Variants in DLGAP2 observed in about 807,000 individuals in gnomAD.
The protein encoded by DLGAP2 is disks large-associated protein 2.
DLGAP2 carries 26 observed loss-of-function variants against 100.3 expected under a neutral mutation model. The ratio of observed to expected loss-of-function variants is 0.26; its 90% CI spans 0.19 to 0.36. The LOEUF is 0.36. Among genes scored for constraint, DLGAP2 ranks in the 10% least tolerant of loss-of-function variants. The pLI, the probability that DLGAP2 is intolerant of heterozygous loss-of-function variation, is 1.00. For missense variants in DLGAP2, 1,858 were observed against 1,453.2 expected, an observed-to-expected ratio of 1.28 and a Z score of -4.53; for synonymous variants, 886 against 630.1, an observed-to-expected ratio of 1.41 and a Z score of -6.08.
chr8:1,157,290 G>C (rs1796810208), intron 2 of DLGAP2, among the ~76,000 whole-genome samples: 1 of 152,134 alleles, frequency 6.6e-6, no homozygotes, highest in Non-Finnish European at 1.5e-5. Context: ...TGCGGGCTGT[G>C]ATGTTCAGAG....
chr8:1,055,135 A>G (rs1387827356), intron 2 of DLGAP2, among the ~76,000 whole-genome samples: 1 of 152,254 alleles, frequency 6.6e-6, no homozygotes, highest in Admixed American at 6.5e-5. Context: ...CGTTTTGTAA[A>G]GATGGATGCT....
intron 3 of DLGAP2, among the ~76,000 whole-genome samples, chr8:1,454,417 G>A (rs1241399615): frequency 2.6e-5 from 4 of 151,810 alleles, no homozygotes; most frequent in African/African-American, 9.7e-5. Flanking sequence ...TTGAGGGCAA[G>A]GGTGTTCCTG....
At chr8:1,177,518 C>G (rs922242220) in intron 2 of DLGAP2, among the ~76,000 whole-genome samples, 1 of 152,140 alleles carries the variant, frequency 6.6e-6, no homozygotes, top group Non-Finnish European at 1.5e-5. Context: ...CACCATTGTT[C>G]TGGCTTGCGA....
intron 1 of DLGAP2, among the ~76,000 whole-genome samples, chr8:803,360 T>C (rs1188393777): frequency 1.3e-5 from 2 of 152,214 alleles, no homozygotes; most frequent in Non-Finnish European, 2.9e-5. Context: ...TATTCCTTGC[T>C]ATATAGGCTG....
At chr8:1,259,698 G>T (rs1799306187) in intron 3 of DLGAP2, 1 of 152,172 alleles carries the variant, frequency 6.6e-6, no homozygotes, top group Non-Finnish European at 1.5e-5. Context: ...ATCCCAACGT[G>T]TGACTCTAAA....
chr8:983,061 C>A (rs1042154820), intron 2 of DLGAP2, among the ~76,000 whole-genome samples: 1 of 152,128 alleles, frequency 6.6e-6, no homozygotes, highest in Non-Finnish European at 1.5e-5. Flanking sequence ...ACTTTTCCTG[C>A]GGGATAGGAT....
At chr8:1,098,226 G>C (rs942982305) in intron 2 of DLGAP2, among the ~76,000 whole-genome samples, 10 of 152,186 alleles carry the variant, frequency 6.6e-5, no homozygotes, top group Admixed American at 6.5e-4. Context: ...AAACTCCTCC[G>C]CACACCAGTT....
intron 3 of DLGAP2, chr8:1,262,300 A>C (rs972535184): frequency 1.3e-5 from 2 of 152,202 alleles, no homozygotes; most frequent in South Asian, 4.1e-4. Context: ...TCAATATGCA[A>C]ATTACTTACA....
At chr8:781,495 C>T (rs1015051935) in intron 1 of DLGAP2, among the ~76,000 whole-genome samples, 2 of 148,592 alleles carry the variant, frequency 1.3e-5, no homozygotes, top group African/African-American at 4.9e-5. Flanking sequence ...AGACTTGCTA[C>T]AACTGTGATT....
In DLGAP2 at chr8:1,072,936, A is replaced by C. The variant is rs576869052; in HGVS notation, c.73+164970A>C. 7.2e-5 allele frequency among the ~76,000 whole-genome samples: 11 copies of C among 152,234 alleles called. 1 individual carries two copies. In the South Asian group the frequency reaches 2.3e-3, roughly 32 times the overall value. The stretch of plus-strand genomic sequence containing the variant: ...AGACGGAATCTGCTGTTACTGTATT[A>C]ATTTAATTAGGGAGTTCCTATGTGA... On this transcript the variant is annotated intron_variant, in intron 2 of 14. Coordinates refer to ENST00000637795, the MANE Select transcript of DLGAP2 (RefSeq NM_001346810.2).
At chr8:887,009 C>G (rs74613428) in intron 1 of DLGAP2, among the ~76,000 whole-genome samples, 20,453 of 152,162 alleles carry the variant, frequency 0.13, 1,651 homozygotes, top group Admixed American at 0.27. Context: ...GTCTAAGTCT[C>G]CTTGTAGGTC....
chr8:1,458,935 A>C, intron 3 of DLGAP2, among the ~76,000 whole-genome samples: 1 of 152,208 alleles, frequency 6.6e-6, no homozygotes, highest in East Asian at 1.9e-4. Context: ...GTGCAAGACC[A>C]GTGTGTGTCC....
intron 2 of DLGAP2, among the ~76,000 whole-genome samples, chr8:1,154,626 CA>C (rs1796748378): frequency 3.6e-5 from 2 of 55,302 alleles, no homozygotes; most frequent in Non-Finnish European, 6.3e-5. Flanking sequence ...ATTAACCATC[CA>C]TTAAAAACCC....
At chr8:1,134,238 C>G (rs546375156) in intron 2 of DLGAP2, among the ~76,000 whole-genome samples, 1 of 152,254 alleles carries the variant, frequency 6.6e-6, no homozygotes, top group East Asian at 1.9e-4. Context: ...TCCAGTCTAC[C>G]ATTGATGGCA....
chr8:941,960 C>T (rs1202446578), intron 2 of DLGAP2, among the ~76,000 whole-genome samples: 2 of 152,078 alleles, frequency 1.3e-5, no homozygotes, highest in Non-Finnish European at 2.9e-5. Context: ...GCTGATGCAT[C>T]ATCAGTGGGA....
intron 2 of DLGAP2, among the ~76,000 whole-genome samples, chr8:936,796 A>AT (rs1451788801): frequency 1.3e-5 from 2 of 152,160 alleles, no homozygotes; most frequent in Non-Finnish European, 2.9e-5. Flanking sequence ...GGGAAGTTGG[A>AT]TGAGAGCATT....
chr8:1,630,519 G>T (rs960991345), intron 7 of DLGAP2, among the ~76,000 whole-genome samples: 11 of 152,068 alleles, frequency 7.2e-5, no homozygotes, highest in African/African-American at 2.4e-4. Flanking sequence ...TGGCTAACAT[G>T]GTGAAACCTC....
At chr8:907,248 C>G (rs1313842597) in intron 1 of DLGAP2, among the ~76,000 whole-genome samples, 2 of 152,196 alleles carry the variant, frequency 1.3e-5, no homozygotes, top group African/African-American at 4.8e-5. Flanking sequence ...AGCTTTTCCT[C>G]TAATTGAGTT....
At chr8:1,025,102 G>A (rs775029934) in intron 2 of DLGAP2, among the ~76,000 whole-genome samples, 19 of 151,460 alleles carry the variant, frequency 1.3e-4, no homozygotes, top group South Asian at 2.1e-4. Flanking sequence ...ATGTGTGTGC[G>A]TGTATGTGTG....
Sources: allele counts gnomAD v4.1 joint callset (sites outside exome capture counted in the v4.1 genomes callset), GRCh38; gene constraint gnomAD v4.1.1; transcripts MANE v1.5; gene names NCBI Gene and HGNC (gene_info 2026-07-23, HGNC 2026-07-21).